Variants in DYM observed in about 807,000 individuals in gnomAD.
DYM encodes dyggve-Melchior-Clausen syndrome protein.
DYM carries 78 observed loss-of-function variants against 93.1 expected under a neutral mutation model. That is an observed-to-expected ratio of 0.84 (90% CI 0.70 to 1.01). The LOEUF (loss-of-function observed/expected upper bound fraction) is 1.01, where lower values mean the gene tolerates loss of function less well. DYM is among the 50% of genes least tolerant of loss of function. The pLI, the probability that DYM is intolerant of heterozygous loss-of-function variation, is 0.00. For missense variants in DYM, 789 were observed against 845.0 expected (o/e 0.93, Z 0.82); for synonymous variants, 321 against 319.7 (o/e 1.00, Z -0.04).
At chr18:49,394,400 T>TA (rs2147945111) in intron 2 of DYM, among the ~76,000 whole-genome samples, 1 of 152,318 alleles carries the variant, frequency 6.6e-6, no homozygotes, top group African/African-American at 2.4e-5. Flanking sequence ...TGTTTTTTTT[T>TA]ATACCAGTAC....
chr18:49,341,256 C>T (rs113405113), intron 6 of DYM, among the ~76,000 whole-genome samples: 1,652 of 152,082 alleles, frequency 0.011, 29 homozygotes, highest in African/African-American at 0.038. Flanking sequence ...TTTGGGAGGC[C>T]GAGGCGGGTG....
At chr18:49,335,970 T>C (rs2063637307) in intron 6 of DYM, among the ~76,000 whole-genome samples, 1 of 152,134 alleles carries the variant, frequency 6.6e-6, no homozygotes, top group South Asian at 2.1e-4. Context: ...GACGCCATCA[T>C]GCCCAGCTAA....
chr18:49,272,351 T>C (rs1341441532), intron 10 of DYM, 48 bp from the exon 11 acceptor site: 30 of 1,213,056 alleles, frequency 2.5e-5, no homozygotes, highest in Non-Finnish European at 3.6e-5. Flanking sequence ...TCATTATAAA[T>C]CCAAATGTTT....
At chr18:49,127,223 T>A (rs1385491555) in intron 15 of DYM, among the ~76,000 whole-genome samples, 1 of 152,206 alleles carries the variant, frequency 6.6e-6, no homozygotes, top group Admixed American at 6.5e-5. Context: ...CTGCAGACAA[T>A]TTCAAACGTA....
chr18:49,110,431 G>A (rs866429766), intron 16 of DYM, among the ~76,000 whole-genome samples: 1 of 151,804 alleles, frequency 6.6e-6, no homozygotes, highest in South Asian at 2.1e-4. Context: ...TCTCAGTTTT[G>A]TTTGAAATGT....
At chr18:49,135,903 C>T (rs573707579) in intron 15 of DYM, among the ~76,000 whole-genome samples, 103 of 152,358 alleles carry the variant, frequency 6.8e-4, no homozygotes, top group African/African-American at 2.0e-3. Flanking sequence ...CTGGAGACAG[C>T]CTGCTTTGAA....
chr18:49,415,278 C>T (rs2072796893), intron 2 of DYM, among the ~76,000 whole-genome samples: 2 of 142,760 alleles, frequency 1.4e-5, no homozygotes, highest in South Asian at 4.3e-4. Flanking sequence ...TGAGATCACA[C>T]CACTGCACTA....
At chr18:49,362,763 G>A (rs1031971985) in intron 6 of DYM, among the ~76,000 whole-genome samples, 1 of 152,144 alleles carries the variant, frequency 6.6e-6, no homozygotes, top group Non-Finnish European at 1.5e-5. Context: ...CGAAAACCTG[G>A]CTTCAAAAGA....
At chr18:49,048,041 G>C (rs764193779) in intron 17 of DYM, 3 of 152,232 alleles carry the variant, frequency 2.0e-5, no homozygotes, top group Non-Finnish European at 2.9e-5. Flanking sequence ...TTAAAGCCTG[G>C]GTCTGACTGT....
chr18:49,178,252 T>C (rs917224215), intron 14 of DYM, among the ~76,000 whole-genome samples: 6 of 152,066 alleles, frequency 3.9e-5, no homozygotes, highest in African/African-American at 1.4e-4. Context: ...AGAATGGGAA[T>C]ATGTGGAAAT....
At chr18:49,044,945 G>A (rs536662895) in intron 17 of DYM, among the ~76,000 whole-genome samples, 73 of 152,394 alleles carry the variant, frequency 4.8e-4, no homozygotes, top group Non-Finnish European at 7.3e-4. Flanking sequence ...CAGCACTTGC[G>A]TTTTAGCACA....
chr18:49,209,601 C>G lies in DYM; in HGVS notation c.1575G>C (p.Glu525Asp), dbSNP rs531216929. The change falls in exon 14 of 18, where the codon GAG becomes GAC. Residue 525 changes from glutamate to aspartate, a missense_variant. Glu to Asp is a conservative substitution (Grantham distance 45). Around this residue, in one of 3 missense-constraint regions of DYM, gnomAD observed 225 missense variants for 303.0 expected, o/e 0.74. Transcript: ENST00000675505. ...GAGAGCAAGTTAAAGACAAGAGTTC[C>G]TCTCCATTGTCACTGAGGGTCGAGA... ...HCFSTLSDNG[E>D]ELLSLTCSHI... 20 of 1,289,710 alleles carry G rather than the reference C, an allele frequency of 1.6e-5. No individual in the cohort carries two copies. In the East Asian group the frequency reaches 8.9e-4, roughly 57 times the overall value. 79.9% of individuals were successfully genotyped at this position (1,289,710 alleles called of 1,614,324 possible).
chr18:49,214,125 C>A (rs1300049805), intron 13 of DYM, among the ~76,000 whole-genome samples: 1 of 152,174 alleles, frequency 6.6e-6, no homozygotes, highest in Non-Finnish European at 1.5e-5. Flanking sequence ...CAAAAAGATA[C>A]ATGGATTCTG....
chr18:49,271,880 T>C (rs1417720657), intron 11 of DYM, among the ~76,000 whole-genome samples: 3 of 151,950 alleles, frequency 2.0e-5, no homozygotes, highest in Non-Finnish European at 4.4e-5. Flanking sequence ...TGACAATTTC[T>C]GCCACAATGA....
At chr18:49,267,210 AAAG>A (rs1261637056) in intron 11 of DYM, among the ~76,000 whole-genome samples, 3 of 152,088 alleles carry the variant, frequency 2.0e-5, no homozygotes, top group Non-Finnish European at 2.9e-5. Flanking sequence ...TAAAAAAAAA[AAAG>A]AAGAGGTAAT....
At chr18:49,300,044 GA>G (rs542171551) in intron 8 of DYM, among the ~76,000 whole-genome samples, 107 of 71,520 alleles carry the variant, frequency 1.5e-3, no homozygotes, top group East Asian at 8.1e-3. Flanking sequence ...TCCGTCTCGA[GA>G]AAAAAAAAAA....
intron 16 of DYM, among the ~76,000 whole-genome samples, chr18:49,102,875 C>T (rs1311577772): frequency 4.6e-5 from 7 of 152,212 alleles, no homozygotes; most frequent in Non-Finnish European, 8.8e-5. Context: ...GCAATAAACA[C>T]ACGTGTGCAT....
intron 6 of DYM, among the ~76,000 whole-genome samples, chr18:49,342,437 T>G (rs1167287641): frequency 6.6e-6 from 1 of 152,218 alleles, no homozygotes; most frequent in Non-Finnish European, 1.5e-5. Flanking sequence ...ACTCACAGGT[T>G]CCAGGGATTA....
chr18:49,220,486 G>C lies in DYM; in HGVS notation c.1461-10771C>G, dbSNP rs542133000. Among the ~76,000 whole-genome samples, 478 of 150,510 alleles carry C rather than the reference G, an allele frequency of 3.2e-3. 2 individuals carry two copies. The highest frequency in any genetic ancestry group is 0.011 in the African/African-American group (445 of 40,938). ...AAAAGAACAAAGCTGGAGGCATCACGCTACCTGACTTCAAACTATACTACA... is the reference window on the plus strand; with the variant it reads ...AAAAGAACAAAGCTGGAGGCATCACCCTACCTGACTTCAAACTATACTACA... On this transcript the variant is annotated intron_variant, in intron 13 of 17. Coordinates refer to ENST00000675505, the MANE Select transcript of DYM (RefSeq NM_001353214.3).
Sources: allele counts gnomAD v4.1 joint callset (sites outside exome capture counted in the v4.1 genomes callset), GRCh38; gene constraint gnomAD v4.1.1; regional missense constraint gnomAD v4.1.1; transcripts MANE v1.5; gene names NCBI Gene and HGNC (gene_info 2026-07-23, HGNC 2026-07-21).